COL23A1: variants seen among roughly 807,000 people sequenced by gnomAD.
COL23A1 encodes the protein collagen type XXIII alpha 1 chain.
In COL23A1, 97 loss-of-function variants were observed where a neutral mutation model predicts 99.3. The ratio of observed to expected loss-of-function variants is 0.98; its 90% confidence interval spans 0.83 to 1.16. The LOEUF (loss-of-function observed/expected upper bound fraction) is 1.16. COL23A1 is among the 50% of genes most tolerant of loss of function. The probability of loss-of-function intolerance (pLI) is 0.00; values close to 1 mark genes in which losing one functional copy is unlikely to be tolerated. For synonymous variants in COL23A1, 320 were observed against 308.2 expected (o/e 1.04, Z -0.40); for missense variants, 762 against 757.4 (o/e 1.01, Z -0.07).
At chr5:178,585,531 T>C (rs1763917803) in intron 1 of COL23A1, among the ~76,000 whole-genome samples, 1 of 128,702 alleles carries the variant, frequency 7.8e-6, no homozygotes, top group Non-Finnish European at 1.5e-5. Flanking sequence ...TGGATGACGC[T>C]GGAGTAACAC....
In COL23A1 at chr5:178,301,242, T is replaced by C. The variant is rs148044675; in HGVS notation, c.406+5633A>G. On this transcript the variant is annotated intron_variant, in intron 3 of 28. Transcript: ENST00000390654. ...TCTACTGAATTTTTCATTTCAGTTA[T>C]GGTACTTTGCACCTCCAGAATTTTT... is the stretch of plus-strand genomic sequence containing the variant. Among the ~76,000 whole-genome samples the C allele has an allele frequency of 3.4e-3, 521 of 152,378 alleles. 4 individuals are homozygous for C. Among genetic ancestry groups the C allele is most frequent in the African/African-American group, 0.012 (488 of 41,588 alleles).
chr5:178,425,624 G>A (rs73803094), intron 2 of COL23A1, among the ~76,000 whole-genome samples: 6 of 152,052 alleles, frequency 3.9e-5, no homozygotes, highest in East Asian at 3.9e-4. Context: ...GCCAACACAC[G>A]TCTGGCATTC....
chr5:178,533,723 T>C (rs1760780126), intron 2 of COL23A1, among the ~76,000 whole-genome samples: 1 of 152,166 alleles, frequency 6.6e-6, no homozygotes, highest in African/African-American at 2.4e-5. Flanking sequence ...GGTCTTGAAC[T>C]CCTGACCTCG....
chr5:178,245,215 TCATCCATC>T (rs141224583), intron 25 of COL23A1, among the ~76,000 whole-genome samples: 1 of 142,274 alleles, frequency 7.0e-6, no homozygotes, highest in East Asian at 2.4e-4. Flanking sequence ...TCATCATCTA[TCATCCATC>T]CATCCATCCA....
In COL23A1 at chr5:178,585,293, G is replaced by T. The variant is rs1385156862; in HGVS notation, c.294+4611C>A. Among the ~76,000 whole-genome samples the T allele has an allele frequency of 2.6e-5, 4 of 152,102 alleles. No homozygotes were observed. The East Asian group carries it at 7.7e-4, about 29-fold the overall frequency. ...TTCCATGGCCCCAGCAGACACTGGG[G>T]TAACACTCCACGGCTGACCCTGGGG... On this transcript the variant is annotated intron_variant, in intron 1 of 28. Transcript: ENST00000390654.
In COL23A1 at chr5:178,262,215, A is replaced by G. The variant is rs2973744; in HGVS notation, c.675+2T>C. ...GGCCTCTGGAATGCCCTGGATACTGACCATCTCGCCGTCTTGTCCGGGCTC... is the reference window on the plus strand; with the variant it reads ...GGCCTCTGGAATGCCCTGGATACTGGCCATCTCGCCGTCTTGTCCGGGCTC... On this transcript the variant is annotated splice_donor_variant, in intron 10 of 28. Transcript: ENST00000390654. LOFTEE classifies it high-confidence loss of function. The G allele has an allele frequency of 4.0e-3, 6,381 of 1,582,406 alleles. 21 individuals carry two copies. Among genetic ancestry groups the G allele is most frequent in the Non-Finnish European group, 4.9e-3 (5,756 of 1,163,580 alleles).
intron 2 of COL23A1, among the ~76,000 whole-genome samples, chr5:178,389,254 G>C (rs1422290295): frequency 6.6e-6 from 1 of 152,134 alleles, no homozygotes; most frequent in Non-Finnish European, 1.5e-5. Flanking sequence ...ACCCAGCAAA[G>C]TCCCAATGCC....
chr5:178,347,043 C>A (rs890121558), intron 2 of COL23A1, among the ~76,000 whole-genome samples: 2 of 152,198 alleles, frequency 1.3e-5, no homozygotes, highest in African/African-American at 4.8e-5. Context: ...ATCTGGTGAG[C>A]AGGGTGAGGC....
At position 178,306,191 on chromosome 5, in the gene COL23A1, C is replaced by A. The variant is rs978241289; in HGVS notation, c.406+684G>T. Among the ~76,000 whole-genome samples the A allele has an allele frequency of 6.6e-6, 1 of 151,966 alleles. No individual in the cohort carries two copies. The highest frequency in any genetic ancestry group is 2.4e-5 in the African/African-American group (1 of 41,370). ...AGGGAGGAAGCGCAGCCCAGACAGCCGGGACTGCCCAGCATGGGGGAGTGG... is the reference window on the plus strand; with the variant it reads ...AGGGAGGAAGCGCAGCCCAGACAGCAGGGACTGCCCAGCATGGGGGAGTGG... On this transcript the variant is annotated intron_variant, in intron 3 of 28. Coordinates refer to ENST00000390654, the MANE Select transcript of COL23A1 (RefSeq NM_173465.4). The surrounding 1 kb of genome is among the most constrained non-coding windows in gnomAD (Gnocchi z 4.1).
chr5:178,534,258 AG>A (rs1760810633), intron 2 of COL23A1, among the ~76,000 whole-genome samples: 1 of 152,150 alleles, frequency 6.6e-6, no homozygotes, highest in Non-Finnish European at 1.5e-5. Flanking sequence ...ACACGGTGGA[AG>A]GAAAAACAGG....
At chr5:178,246,045 G>A in intron 24 of COL23A1, 77 bp from the exon 25 acceptor site, 5 of 1,546,312 alleles carry the variant, frequency 3.2e-6, no homozygotes, top group Admixed American at 1.7e-5. Flanking sequence ...GTCCAGCCCT[G>A]TGGGTTGGCC....
chr5:178,312,804 G>C (rs1758774599), intron 2 of COL23A1, among the ~76,000 whole-genome samples: 1 of 150,160 alleles, frequency 6.7e-6, no homozygotes. Context: ...CCTGAGGACA[G>C]GGGGTTCATG....
At chr5:178,422,608 G>A (rs1288265106) in intron 2 of COL23A1, among the ~76,000 whole-genome samples, 1 of 151,998 alleles carries the variant, frequency 6.6e-6, no homozygotes, top group Admixed American at 6.6e-5. Flanking sequence ...TGGGAGGGAC[G>A]GGACCTGTCA....
At chr5:178,483,295 GATGCCAC>G (rs1170284186) in intron 2 of COL23A1, among the ~76,000 whole-genome samples, 1 of 152,002 alleles carries the variant, frequency 6.6e-6, no homozygotes, top group Non-Finnish European at 1.5e-5. Context: ...GAAGGCATTA[GATGCCAC>G]ATAAAACTGA....
chr5:178,392,304 A>G (rs968629835), intron 2 of COL23A1, among the ~76,000 whole-genome samples: 4 of 152,172 alleles, frequency 2.6e-5, no homozygotes, highest in African/African-American at 9.7e-5. Context: ...GCACGGACGC[A>G]GCATCACAAT....
At chr5:178,548,625 T>G (rs1228736015) in intron 2 of COL23A1, among the ~76,000 whole-genome samples, 1 of 150,778 alleles carries the variant, frequency 6.6e-6, no homozygotes, top group Non-Finnish European at 1.5e-5. Flanking sequence ...CAATCTCGGC[T>G]CCCTGCAACC....
chr5:178,355,036 A>T (rs1161367206), intron 2 of COL23A1, among the ~76,000 whole-genome samples: 1 of 149,186 alleles, frequency 6.7e-6, no homozygotes, highest in African/African-American at 2.5e-5. Flanking sequence ...CCAGCCTGGG[A>T]GACAGGTGAG....
chr5:178,498,253 T>TA (rs1562025781), intron 2 of COL23A1, among the ~76,000 whole-genome samples: 1 of 59,254 alleles, frequency 1.7e-5, no homozygotes, highest in African/African-American at 1.3e-4. Flanking sequence ...TATATATATA[T>TA]ATATAAAAGA....
intron 2 of COL23A1, among the ~76,000 whole-genome samples, chr5:178,358,610 C>T (rs113055341): frequency 1.4e-4 from 15 of 109,590 alleles, no homozygotes; most frequent in African/African-American, 3.9e-4. Context: ...TGTGTGTATG[C>T]GTGTATGTAT....
Sources: allele counts gnomAD v4.1 joint callset (sites outside exome capture counted in the v4.1 genomes callset), GRCh38; gene constraint gnomAD v4.1.1; non-coding constraint Gnocchi (gnomAD v3.1); transcripts MANE v1.5; gene names NCBI Gene and HGNC (gene_info 2026-07-23, HGNC 2026-07-21).